TRERF1: variants seen among roughly 807,000 people sequenced by gnomAD.
TRERF1 encodes the protein transcriptional-regulating factor 1.
Under a neutral mutation model 122.9 loss-of-function variants are expected in TRERF1, and 27 were observed. That is an observed-to-expected ratio of 0.22 (90% confidence interval 0.16 to 0.30). TRERF1 has a LOEUF of 0.30. Ranked by LOEUF, TRERF1 falls within the 10% of genes least tolerant of loss-of-function variation. The pLI is 1.00. For synonymous variants in TRERF1, 636 were observed against 641.7 expected, an observed-to-expected ratio of 0.99 and a Z score of 0.13; for missense variants, 1,248 against 1,560.3, an observed-to-expected ratio of 0.80 and a Z score of 3.37.
intron 3 of TRERF1, among the ~76,000 whole-genome samples, chr6:42,318,115 C>T (rs1762807500): frequency 6.6e-6 from 1 of 151,630 alleles, no homozygotes; most frequent in Non-Finnish European, 1.5e-5. Flanking sequence ...GATCACCCCA[C>T]TACACTCTAG....
chr6:42,260,764 T>C (rs891886662), intron 8 of TRERF1, among the ~76,000 whole-genome samples: 6 of 152,024 alleles, frequency 3.9e-5, no homozygotes, highest in African/African-American at 9.7e-5. Context: ...CAGGGGGTGA[T>C]GGGAAGGGCT....
At chr6:42,316,103 C>A (rs1290889102) in intron 3 of TRERF1, among the ~76,000 whole-genome samples, 2 of 152,152 alleles carry the variant, frequency 1.3e-5, no homozygotes, top group Non-Finnish European at 2.9e-5. Flanking sequence ...ACACAAATGA[C>A]ATTTCGAGTC....
At chr6:42,439,287 G>A (rs572177626) in intron 2 of TRERF1, among the ~76,000 whole-genome samples, 1 of 152,206 alleles carries the variant, frequency 6.6e-6, no homozygotes, top group African/African-American at 2.4e-5. Flanking sequence ...GCTCCGTAAC[G>A]TGACATCGGG....
At chr6:42,408,210 A>ATATATATATATATAT (rs1780474103) in intron 2 of TRERF1, among the ~76,000 whole-genome samples, 1 of 107,142 alleles carries the variant, frequency 9.3e-6, no homozygotes, top group Non-Finnish European at 1.8e-5. Context: ...TATATAAATA[A>ATATATATATATATAT]ATATATATAT....
chr6:42,409,891 G>A (rs1184322590), intron 2 of TRERF1, among the ~76,000 whole-genome samples: 3 of 152,032 alleles, frequency 2.0e-5, no homozygotes, highest in Non-Finnish European at 4.4e-5. Context: ...TCCTACATAG[G>A]GGTAAATCCC....
At chr6:42,360,204 C>G (rs1771452186) in intron 3 of TRERF1, among the ~76,000 whole-genome samples, 1 of 152,250 alleles carries the variant, frequency 6.6e-6, no homozygotes, top group African/African-American at 2.4e-5. Context: ...TTAATCCTTA[C>G]AGCAAACCTA....
Position 42,269,264 on chromosome 6 carries a change from C to G in TRERF1, c.327G>C (p.Gly109=). The G allele has an allele frequency of 6.2e-7, 1 of 1,614,168 alleles. No homozygotes were observed. Among genetic ancestry groups the G allele is most frequent in the Non-Finnish European group, 8.5e-7 (1 of 1,180,030 alleles). Residue 109 remains glycine (G), a synonymous_variant, in exon 5 of 18, where the codon GGG becomes GGC. Transcript: ENST00000372922. The surrounding 1 kb of genome is among the most constrained non-coding windows in gnomAD (Gnocchi z 4.9). ...CAGTGGGCTCAGCCTGGGCTGGTGC[C>G]CCCCACATCATGTTTGAGTTGGCCA...
At chr6:42,377,786 C>G (rs1436249323) in intron 2 of TRERF1, among the ~76,000 whole-genome samples, 7 of 152,134 alleles carry the variant, frequency 4.6e-5, no homozygotes, top group Admixed American at 3.3e-4. Context: ...CAAATTCCTT[C>G]CGAGGGAATG....
intron 2 of TRERF1, among the ~76,000 whole-genome samples, chr6:42,437,399 A>AT (rs1785653854): frequency 1.3e-5 from 2 of 152,202 alleles, no homozygotes; most frequent in African/African-American, 4.8e-5. Context: ...TCAGAAAATG[A>AT]TTATGCAGAA....
At chr6:42,430,231 C>T (rs1312926973) in intron 2 of TRERF1, among the ~76,000 whole-genome samples, 4 of 152,146 alleles carry the variant, frequency 2.6e-5, no homozygotes, top group East Asian at 3.9e-4. Flanking sequence ...CCCATCCCAT[C>T]ATTCTTCCTG....
chr6:42,433,288 G>C (rs939206690), intron 2 of TRERF1, among the ~76,000 whole-genome samples: 5 of 151,972 alleles, frequency 3.3e-5, no homozygotes, highest in Non-Finnish European at 7.4e-5. Flanking sequence ...CAAGATTTAA[G>C]AGCCCAAGAT....
At chr6:42,370,497 T>C (rs1245557772) in intron 2 of TRERF1, among the ~76,000 whole-genome samples, 1 of 152,190 alleles carries the variant, frequency 6.6e-6, no homozygotes, top group Non-Finnish European at 1.5e-5. Flanking sequence ...GGCAAGGGAA[T>C]CACTTGAGTG....
chr6:42,236,551 G>T, intron 15 of TRERF1, 140 bp from the exon 16 acceptor site: 1 of 1,338,020 alleles, frequency 7.5e-7, no homozygotes, highest in Non-Finnish European at 9.9e-7. Context: ...AGGAATGGTG[G>T]ACAGAGCCTG....
chr6:42,364,046 C>G (rs1772268601), intron 2 of TRERF1, among the ~76,000 whole-genome samples: 1 of 152,218 alleles, frequency 6.6e-6, no homozygotes, highest in Non-Finnish European at 1.5e-5. Flanking sequence ...TCATCTGTAT[C>G]AAAGTAAAAG....
intron 4 of TRERF1, among the ~76,000 whole-genome samples, chr6:42,286,972 A>G (rs1783352913): frequency 7.3e-6 from 1 of 137,868 alleles, no homozygotes; most frequent in Non-Finnish European, 1.6e-5. Flanking sequence ...ATAAAAAATG[A>G]TGAGTTCATG....
At chr6:42,261,177 C>T (rs1582638658) in intron 8 of TRERF1, among the ~76,000 whole-genome samples, 1 of 152,188 alleles carries the variant, frequency 6.6e-6, no homozygotes, top group Non-Finnish European at 1.5e-5. Flanking sequence ...GGCCTGTGCC[C>T]CCCCCAAGGG....
At chr6:42,380,339 T>C (rs1475793233) in intron 2 of TRERF1, among the ~76,000 whole-genome samples, 1 of 152,162 alleles carries the variant, frequency 6.6e-6, no homozygotes, top group Non-Finnish European at 1.5e-5. Flanking sequence ...ACAACTGACC[T>C]GACCAAGCCT....
intron 2 of TRERF1, among the ~76,000 whole-genome samples, chr6:42,392,994 T>C (rs1448120636): frequency 1.3e-5 from 2 of 150,746 alleles, no homozygotes. Context: ...ATACTCCCAC[T>C]ATGGCGTTTC....
chr6:42,349,448 T>C (rs1463862965), intron 3 of TRERF1, among the ~76,000 whole-genome samples: 8 of 152,000 alleles, frequency 5.3e-5, no homozygotes, highest in African/African-American at 1.2e-4. Flanking sequence ...AACTAACTGA[T>C]AGGGAATGAA....
Sources: gnomAD v4.1 joint callset for allele counts (sites outside exome capture counted in the v4.1 genomes callset) on GRCh38, gnomAD v4.1.1 for gene constraint, Gnocchi (gnomAD v3.1) non-coding constraint, MANE v1.5 for transcripts, NCBI Gene and HGNC (gene_info 2026-07-23, HGNC 2026-07-21) for gene names.